Variants in TRAP1 observed in about 807,000 individuals in gnomAD.
TRAP1 encodes the protein heat shock protein 75 kDa, mitochondrial.
In TRAP1, 102 loss-of-function variants were observed where a neutral mutation model predicts 89.1. That is an observed-to-expected ratio of 1.15 (90% CI 0.98 to 1.35). The LOEUF is 1.35. Ranked by LOEUF, TRAP1 falls within the 40% of genes most tolerant of loss-of-function variation. TRAP1 has a pLI of 0.00. For missense variants in TRAP1, 1,256 were observed against 945.3 expected (o/e 1.33, Z -4.31); for synonymous variants, 508 against 388.0 (o/e 1.31, Z -3.64).
rs2151265866 is a variant in TRAP1 at position 3,686,023 on chromosome 16, A to G, written c.444T>C (p.Asn148=). The G allele has an allele frequency of 6.2e-7, 1 of 1,614,044 alleles. No individual in the cohort carries two copies. Among genetic ancestry groups the G allele is most frequent in the Non-Finnish European group, 8.5e-7 (1 of 1,179,988 alleles). The part of the protein sequence containing the change: ...LPEMEIHLQT[N]AEKGTITIQD... Reference sequence around the variant, plus strand: ...GGATGGTGATGGTGCCTTTCTCGGCATTGGTCTGCAAGTGAATCTCCATTT... The same window carrying G: ...GGATGGTGATGGTGCCTTTCTCGGCGTTGGTCTGCAAGTGAATCTCCATTT... The change falls in exon 4 of 18, where the codon AAT becomes AAC. Residue 148 remains asparagine, a synonymous_variant. Coordinates refer to ENST00000246957, the MANE Select transcript of TRAP1 (RefSeq NM_016292.3).
At chr16:3,666,350 C>T (rs888289601) in intron 11 of TRAP1, among the ~76,000 whole-genome samples, 1 of 135,098 alleles carries the variant, frequency 7.4e-6, no homozygotes, top group African/African-American at 3.2e-5. Flanking sequence ...GTAGGAGAAC[C>T]GATGCCCCCA....
At chr16:3,672,969 G>A (rs2050935474) in intron 9 of TRAP1, 149 bp from the exon 10 acceptor site, 2 of 1,264,560 alleles carry the variant, frequency 1.6e-6, no homozygotes, top group Non-Finnish European at 1.1e-6. Context: ...CCAGTGCAGG[G>A]GCCCCACGAT....
intron 8 of TRAP1, chr16:3,674,999 G>A: frequency 2.8e-6 from 1 of 361,472 alleles, no homozygotes; most frequent in Non-Finnish European, 5.1e-6. Flanking sequence ...GGGGTGATGG[G>A]ATGTTCTGGA....
chr16:3,664,450 C>T lies in TRAP1; in HGVS notation c.1393G>A (p.Ala465Thr). ...GAGGACTCGTAGCGCAGCAGCTTTGCTATGTCCTCCTAGAAGGGACGGGGC... is the reference window on the plus strand; with the variant it reads ...GAGGACTCGTAGCGCAGCAGCTTTGTTATGTCCTCCTAGAAGGGACGGGGC... The part of the protein sequence containing the change: ...ATEQEVKEDI[A>T]KLLRYESSAL... Residue 465 changes from alanine (A) to threonine (T), a missense_variant, in exon 13 of 18, where the codon GCA (alanine) becomes ACA (threonine). Ala to Thr is a moderately conservative substitution (Grantham distance 58). Coordinates refer to ENST00000246957, the MANE Select transcript of TRAP1 (RefSeq NM_016292.3). The T allele has an allele frequency of 6.2e-7, 1 of 1,609,788 alleles. No homozygotes were observed. The highest frequency in any genetic ancestry group is 2.2e-5 in the East Asian group (1 of 44,802).
In TRAP1 at chr16:3,658,619, G is replaced by A. The variant is rs1226491611; in HGVS notation, c.2013+174C>T. ...ACCCGGGAGGCAGAGGTTGTAGTGA[G>A]CCAAGATCGCGCCACTGCACTCCAG... On this transcript the variant is annotated intron_variant, in intron 17 of 17. Transcript: ENST00000246957. 27 of 643,294 alleles carry A rather than the reference G, an allele frequency of 4.2e-5. No individual in the cohort carries two copies. In the East Asian group the frequency reaches 7.6e-4, roughly 18 times the overall value. 39.8% of individuals were successfully genotyped at this position (643,294 alleles called of 1,614,324 possible).
chr16:3,663,263 C>T, intron 14 of TRAP1, 161 bp downstream of exon 14: 1 of 914,424 alleles, frequency 1.1e-6, no homozygotes, highest in South Asian at 1.7e-5. Context: ...AACCAGGAGG[C>T]ACCTTCCTCC....
At chr16:3,714,237 G>C (rs1043515556) in intron 1 of TRAP1, among the ~76,000 whole-genome samples, 1 of 152,184 alleles carries the variant, frequency 6.6e-6, no homozygotes, top group African/African-American at 2.4e-5. Flanking sequence ...TATGACTCCA[G>C]ACAGCAGGGT....
At chr16:3,671,412 G>T (rs938781905) in intron 11 of TRAP1, among the ~76,000 whole-genome samples, 1 of 152,198 alleles carries the variant, frequency 6.6e-6, no homozygotes, top group Non-Finnish European at 1.5e-5. Flanking sequence ...CCTCCACACA[G>T]GGCTGGCCTG....
At chr16:3,713,814 T>G (rs2051562947) in intron 1 of TRAP1, among the ~76,000 whole-genome samples, 1 of 152,224 alleles carries the variant, frequency 6.6e-6, no homozygotes, top group African/African-American at 2.4e-5. Flanking sequence ...CTGACACTTC[T>G]GACAGTTGGA....
chr16:3,662,173 A>C (rs374792668), intron 15 of TRAP1, 41 bp from the exon 16 acceptor site: 1 of 1,586,500 alleles, frequency 6.3e-7, no homozygotes, highest in Non-Finnish European at 8.6e-7. Context: ...AGAGGTTCCC[A>C]ATGTGAGAGG....
rs527553354 is a variant in TRAP1 at position 3,715,531 on chromosome 16, A to C, written c.88+1890T>G. Among the ~76,000 whole-genome samples the C allele has an allele frequency of 2.6e-5, 4 of 152,360 alleles. No homozygotes were observed. The South Asian group carries it at 8.3e-4, about 32-fold the overall frequency. ...ATTTTCCAAATGGAAGGGACAGTGC[A>C]TGATACAAAGCATGAATCACAAACA... On this transcript the variant is annotated intron_variant, in intron 1 of 17. Transcript: ENST00000246957.
At chr16:3,669,937 C>T (rs1396521278) in intron 11 of TRAP1, among the ~76,000 whole-genome samples, 1 of 151,786 alleles carries the variant, frequency 6.6e-6, no homozygotes, top group East Asian at 1.9e-4. Context: ...TGTGCAGCCC[C>T]GAGGGACGGG....
At position 3,697,607 on chromosome 16, in the gene TRAP1, C is replaced by T. The variant is rs183077817; in HGVS notation, c.89-6622G>A. On this transcript the variant is annotated intron_variant, in intron 1 of 17. Transcript: ENST00000246957. ...TGAACCCGGGAGACGGAGTTTGCAG[C>T]GAGCTGAGATGGCGCCACTGCACTC... is the stretch of plus-strand genomic sequence containing the variant. 3.4e-3 allele frequency among the ~76,000 whole-genome samples: 488 copies of T among 145,322 alleles called. 3 individuals carry two copies. The highest frequency in any genetic ancestry group is 0.012 in the African/African-American group (471 of 38,988).
rs1193602660 is a variant in TRAP1 at position 3,679,751 on chromosome 16, T to G, written c.511A>C (p.Asn171His). 1 of 1,614,138 alleles carries G rather than the reference T, an allele frequency of 6.2e-7. No homozygotes were observed. Among genetic ancestry groups the G allele is most frequent in the Non-Finnish European group, 8.5e-7 (1 of 1,180,012 alleles). Residue 171 changes from asparagine to histidine, a missense_variant, in exon 5 of 18, where the codon AAC (asparagine) becomes CAC (histidine). By Grantham distance (68) the Asn-to-His change is moderately conservative. Coordinates refer to ENST00000246957, the MANE Select transcript of TRAP1 (RefSeq NM_016292.3). ...CCCGATCTGGCAATCGTCCCCAGGT[T>G]GGACACCAGCTCTTCCTGTGTCATC... is the stretch of plus-strand genomic sequence containing the variant. ...IGMTQEELVS[N>H]LGTIARSGSK...
chr16:3,714,001 G>T (rs989614704), intron 1 of TRAP1, among the ~76,000 whole-genome samples: 1 of 152,184 alleles, frequency 6.6e-6, no homozygotes, highest in Non-Finnish European at 1.5e-5. Context: ...GCACACTCCC[G>T]CAAGTCTTTC....
At chr16:3,676,260 C>G in intron 6 of TRAP1, 115 bp from the exon 7 acceptor site, 1 of 741,500 alleles carries the variant, frequency 1.3e-6, no homozygotes, top group Non-Finnish European at 2.2e-6. Context: ...ACACACAACA[C>G]ACCTCAAATG....
chr16:3,698,531 T>C (rs1889220097), intron 1 of TRAP1, among the ~76,000 whole-genome samples: 1 of 151,952 alleles, frequency 6.6e-6, no homozygotes, highest in Admixed American at 6.5e-5. Flanking sequence ...CTTGATCTCC[T>C]GACCTCGTGA....
Position 3,658,088 on chromosome 16 carries a change from G to A in TRAP1, c.*41C>T, listed in dbSNP as rs746683533. On this transcript the variant is annotated 3_prime_UTR_variant, in exon 18 of 18. Transcript: ENST00000246957. The stretch of plus-strand genomic sequence containing the variant: ...AGGTAAATAAAGCTCAAGGAGGTGG[G>A]GCTGTCATCTGTGGTGTCAGTCCTT... 4 of 1,610,522 alleles carry A rather than the reference G, an allele frequency of 2.5e-6. No homozygotes were observed. The highest frequency in any genetic ancestry group is 1.1e-5 in the South Asian group (1 of 90,876).
At chr16:3,689,862 TC>T (rs1350756438) in intron 2 of TRAP1, 1 of 152,080 alleles carries the variant, frequency 6.6e-6, no homozygotes, top group Non-Finnish European at 1.5e-5. Context: ...ACAAAAAGTC[TC>T]TCAGAAAGGA....
Sources: gnomAD v4.1 joint callset for allele counts (sites outside exome capture counted in the v4.1 genomes callset) on GRCh38, gnomAD v4.1.1 for gene constraint, MANE v1.5 for transcripts, NCBI Gene and HGNC (gene_info 2026-07-23, HGNC 2026-07-21) for gene names.